The following SPON1 variants were observed in gnomAD, a reference collection of about 807,000 sequenced individuals.
SPON1 encodes spondin 1, also known as spondin-1.
A neutral mutation model predicts 111.7 loss-of-function variants in SPON1; 52 were observed. The observed-to-expected ratio is 0.47, with a 90% CI of 0.37 to 0.59. SPON1 has a LOEUF of 0.59. Among genes scored for constraint, SPON1 ranks in the 20% least tolerant of loss-of-function variants. The probability of loss-of-function intolerance (pLI) is 0.00; values close to 1 mark genes in which losing one functional copy is unlikely to be tolerated. For missense variants in SPON1, 957 were observed against 1,068.5 expected (o/e 0.90, Z 1.46); for synonymous variants, 410 against 395.8 (o/e 1.04, Z -0.43).
intron 2 of SPON1, among the ~76,000 whole-genome samples, chr11:13,997,497 G>A (rs1204110673): frequency 4.6e-5 from 7 of 152,218 alleles, no homozygotes; most frequent in African/African-American, 9.6e-5. Context: ...TGGACATAAG[G>A]GACCCTCAAT....
At chr11:14,138,866 G>A (rs1847620894) in intron 6 of SPON1, among the ~76,000 whole-genome samples, 1 of 152,020 alleles carries the variant, frequency 6.6e-6, no homozygotes, top group South Asian at 2.1e-4. Flanking sequence ...ACCCAAACTT[G>A]TGCCTTCTCT....
In SPON1 at chr11:14,143,701, A is replaced by G. The variant is rs528007218; in HGVS notation, c.825+8133A>G. On this transcript the variant is annotated intron_variant, in intron 6 of 15. Coordinates refer to ENST00000576479, the MANE Select transcript of SPON1 (RefSeq NM_006108.4). ...GCTCAGGGCAGGATTTCAGTCCTGT[A>G]GAAGAGAGGGGCACTGAAGAGAGAA... is the stretch of plus-strand genomic sequence containing the variant. Among the ~76,000 whole-genome samples the G allele has an allele frequency of 2.6e-5, 4 of 152,236 alleles. No individual in the cohort carries two copies. The East Asian group carries it at 7.7e-4, about 29-fold the overall frequency.
intron 5 of SPON1, among the ~76,000 whole-genome samples, chr11:14,105,141 C>G (rs1554924774): frequency 6.6e-6 from 1 of 151,924 alleles, no homozygotes; most frequent in South Asian, 2.1e-4. Context: ...CATTTTTCTT[C>G]TAGTGGATCT....
chr11:14,006,525 T>G (rs1412325943), intron 2 of SPON1, among the ~76,000 whole-genome samples: 5 of 152,128 alleles, frequency 3.3e-5, no homozygotes, highest in Non-Finnish European at 7.4e-5. Context: ...AGCTAACAAC[T>G]GATGAGTTGA....
chr11:14,104,378 TA>T (rs1482102600), intron 5 of SPON1, among the ~76,000 whole-genome samples: 1 of 152,012 alleles, frequency 6.6e-6, no homozygotes, highest in Non-Finnish European at 1.5e-5. Context: ...TATACACAAT[TA>T]ATTTGTTTGG....
chr11:14,254,739 T>C lies in SPON1; in HGVS notation c.1092+10T>C, dbSNP rs1849088063. Reference sequence around the variant, plus strand: ...CGGGGTGACCTATGAGGTGTGTGTGTGTGCCTGGAGTGGTGAGTGGCTCCT... The same window carrying C: ...CGGGGTGACCTATGAGGTGTGTGTGCGTGCCTGGAGTGGTGAGTGGCTCCT... On this transcript the variant is annotated intron_variant, in intron 8 of 15. Transcript: ENST00000576479. The C allele has an allele frequency of 4.3e-6, 7 of 1,613,076 alleles. 1 individual carries two copies. In the South Asian group the frequency reaches 6.6e-5, roughly 15 times the overall value.
At chr11:14,151,333 A>G (rs1564916427) in intron 6 of SPON1, among the ~76,000 whole-genome samples, 1 of 152,204 alleles carries the variant, frequency 6.6e-6, no homozygotes, top group Admixed American at 6.5e-5. Flanking sequence ...CTAAAGTGGT[A>G]GGGGGTGGAC....
chr11:13,987,480 A>C (rs1260165859), intron 2 of SPON1, among the ~76,000 whole-genome samples: 1 of 152,052 alleles, frequency 6.6e-6, no homozygotes, highest in Non-Finnish European at 1.5e-5. Context: ...AGAGTGCAAA[A>C]ATTTTCTCCC....
chr11:14,125,260 G>A (rs1847441971), intron 5 of SPON1, among the ~76,000 whole-genome samples: 1 of 152,246 alleles, frequency 6.6e-6, no homozygotes, highest in Non-Finnish European at 1.5e-5. Context: ...CAAGAGGGAT[G>A]TGAGATCCAA....
chr11:14,009,543 G>A lies in SPON1; in HGVS notation c.345+26590G>A, dbSNP rs113614658. On this transcript the variant is annotated intron_variant, in intron 2 of 15. Transcript: ENST00000576479. Reference sequence around the variant, plus strand: ...CCATTATATGCTCTGTTATGTTCTCGTTGCACATATATCTGTCATAGAAAT... The same window carrying A: ...CCATTATATGCTCTGTTATGTTCTCATTGCACATATATCTGTCATAGAAAT... Among the ~76,000 whole-genome samples, 10 of 152,156 alleles carry A rather than the reference G, an allele frequency of 6.6e-5. 1 individual carries two copies. The highest frequency in any genetic ancestry group is 3.9e-4 in the East Asian group (2 of 5,180).
chr11:14,234,350 C>T (rs1393824843), intron 6 of SPON1, among the ~76,000 whole-genome samples: 4 of 152,052 alleles, frequency 2.6e-5, no homozygotes, highest in Non-Finnish European at 4.4e-5. Flanking sequence ...TGCTGAAGGT[C>T]AGGTAGAAGA....
chr11:14,034,819 C>T (rs934327316), intron 2 of SPON1, among the ~76,000 whole-genome samples: 2 of 152,176 alleles, frequency 1.3e-5, no homozygotes, highest in Non-Finnish European at 2.9e-5. Flanking sequence ...ATGCTAGGTA[C>T]CTGGCAGATA....
chr11:14,201,550 C>T (rs1018250708), intron 6 of SPON1, among the ~76,000 whole-genome samples: 2 of 151,920 alleles, frequency 1.3e-5, no homozygotes, highest in South Asian at 2.1e-4. Context: ...AGGCCTCTGC[C>T]ACCACACCTG....
rs1849162293 is a variant in SPON1, at chr11:14,260,752, C to T, written c.1996C>T (p.Pro666Ser). ...QVEKCMLPEC[P>S]IDCELTEWSQ... The stretch of plus-strand genomic sequence containing the variant: ...GGAGAAGTGCATGCTCCCTGAATGC[C>T]GTAAGTCCTGGAGCTCCTCAAGGCC... The change falls in exon 14 of 16, where the codon CCC becomes TCC. Residue 666 changes from proline to serine, a missense_variant and splice_region_variant. By Grantham distance (74) the Pro-to-Ser change is moderately conservative. Coordinates refer to ENST00000576479, the MANE Select transcript of SPON1 (RefSeq NM_006108.4). 8 of 1,612,672 alleles carry T rather than the reference C, an allele frequency of 5.0e-6. No homozygotes were observed. Among genetic ancestry groups the T allele is most frequent in the Admixed American group, 1.7e-5 (1 of 59,936 alleles).
intron 2 of SPON1, among the ~76,000 whole-genome samples, chr11:14,017,857 C>T (rs946620445): frequency 6.6e-6 from 1 of 152,210 alleles, no homozygotes; most frequent in Non-Finnish European, 1.5e-5. Context: ...GGATGCAATA[C>T]ATCAACTAAG....
rs1486805821 is a variant in SPON1 at position 14,262,637 on chromosome 11, A to G, written c.1997-75A>G. ...CTTTGCATCCCTCATAGGCTTGTTGAGATGTTCAAAGGAGAGCGTGACCAT... is the reference window on the plus strand; with the variant it reads ...CTTTGCATCCCTCATAGGCTTGTTGGGATGTTCAAAGGAGAGCGTGACCAT... On this transcript the variant is annotated intron_variant, in intron 14 of 15. Transcript: ENST00000576479. The G allele has an allele frequency of 4.5e-6, 7 of 1,571,888 alleles. No individual in the cohort carries two copies. In the African/African-American group the frequency reaches 9.5e-5, roughly 21 times the overall value.
intron 3 of SPON1, among the ~76,000 whole-genome samples, chr11:14,072,743 C>T (rs1445704992): frequency 6.6e-6 from 1 of 152,168 alleles, no homozygotes; most frequent in African/African-American, 2.4e-5. Context: ...GGAAACAAAA[C>T]TTGATTTGCA....
intron 3 of SPON1, among the ~76,000 whole-genome samples, chr11:14,060,536 G>A (rs1193105823): frequency 6.6e-6 from 1 of 152,150 alleles, no homozygotes; most frequent in African/African-American, 2.4e-5. Flanking sequence ...ATAGGCAGGA[G>A]AATTAAACGA....
chr11:14,248,716 G>A (rs963863787), intron 7 of SPON1, among the ~76,000 whole-genome samples: 3 of 152,122 alleles, frequency 2.0e-5, no homozygotes, highest in Non-Finnish European at 4.4e-5. Context: ...AGGTTAATGG[G>A]ATTCCAGCCT....
Sources: allele counts gnomAD v4.1 joint callset (sites outside exome capture counted in the v4.1 genomes callset), GRCh38; gene constraint gnomAD v4.1.1; transcripts MANE v1.5; gene names NCBI Gene and HGNC (gene_info 2026-07-23, HGNC 2026-07-21).